Variants in SAMTOR observed in about 807,000 individuals in gnomAD.
SAMTOR encodes S-adenosylmethionine sensor upstream of mTORC1, also known as UPF0532 protein C7orf60.
chr7:112,882,817 G>A, the SAMTOR span, among the ~76,000 whole-genome samples: 1 of 146,720 alleles, frequency 6.8e-6, no homozygotes, highest in Non-Finnish European at 1.5e-5. Context: ...TCCTTTACTA[G>A]TGTAACATCT....
chr7:112,879,846 TGTTA>T, the SAMTOR span, among the ~76,000 whole-genome samples: 1 of 152,214 alleles, frequency 6.6e-6, no homozygotes, highest in Non-Finnish European at 1.5e-5. Context: ...AATAGTCATT[TGTTA>T]GTTAAAACTA....
At chr7:112,925,790 G>A in the SAMTOR span, among the ~76,000 whole-genome samples, 1 of 42,606 alleles carries the variant, frequency 2.3e-5, no homozygotes, top group African/African-American at 8.0e-5. Flanking sequence ...GCCAAGCTCT[G>A]TCTCAAAAAA....
the SAMTOR span, among the ~76,000 whole-genome samples, chr7:112,862,201 G>A: frequency 2.0e-5 from 3 of 152,314 alleles, no homozygotes; most frequent in South Asian, 6.2e-4. Context: ...GTTGTGGTAA[G>A]CTAGGATCAC....
the SAMTOR span, among the ~76,000 whole-genome samples, chr7:112,852,606 G>A: frequency 6.6e-6 from 1 of 151,800 alleles, no homozygotes; most frequent in Non-Finnish European, 1.5e-5. Flanking sequence ...TAATAAAAAA[G>A]TAAAAAATAA....
the SAMTOR span, among the ~76,000 whole-genome samples, chr7:112,919,125 C>A: frequency 6.6e-6 from 1 of 152,130 alleles, no homozygotes; most frequent in African/African-American, 2.4e-5. Context: ...AACTCTCCAC[C>A]CCAAATCAAC....
At chr7:112,927,279 TA>T in the SAMTOR span, among the ~76,000 whole-genome samples, 2 of 152,064 alleles carry the variant, frequency 1.3e-5, no homozygotes. Flanking sequence ...TTTTATCACT[TA>T]GTTATTAGGT....
the SAMTOR span, among the ~76,000 whole-genome samples, chr7:112,916,900 CG>C: frequency 1.3e-5 from 2 of 152,208 alleles, no homozygotes; most frequent in Non-Finnish European, 2.9e-5. Flanking sequence ...GAGGGGCGCC[CG>C]CCATTGCCCA....
the SAMTOR span, among the ~76,000 whole-genome samples, chr7:112,898,515 G>A: frequency 6.6e-6 from 1 of 152,238 alleles, no homozygotes; most frequent in Admixed American, 6.5e-5. Context: ...ATTCCAGGCT[G>A]TTGTTCCCAC....
the SAMTOR span, among the ~76,000 whole-genome samples, chr7:112,931,563 C>CCG: frequency 1.3e-5 from 2 of 152,184 alleles, no homozygotes; most frequent in Non-Finnish European, 2.9e-5. Flanking sequence ...TCTATGACCA[C>CCG]ACAGAGCACT....
the SAMTOR span, among the ~76,000 whole-genome samples, chr7:112,889,794 G>C: frequency 3.9e-5 from 6 of 152,080 alleles, no homozygotes; most frequent in African/African-American, 1.4e-4. Flanking sequence ...TCTTTGCCTG[G>C]AGCTGCTCTC....
At chr7:112,894,335 A>G in the SAMTOR span, among the ~76,000 whole-genome samples, 4 of 152,160 alleles carry the variant, frequency 2.6e-5, no homozygotes, top group East Asian at 7.7e-4. Context: ...TGGTGCCCCT[A>G]AACAATCTTA....
At chr7:112,919,098 C>T in the SAMTOR span, among the ~76,000 whole-genome samples, 1 of 152,100 alleles carries the variant, frequency 6.6e-6, no homozygotes, top group Non-Finnish European at 1.5e-5. Flanking sequence ...CCAAGTGGAC[C>T]TAATAGACAT....
the SAMTOR span, among the ~76,000 whole-genome samples, chr7:112,930,703 A>G: frequency 6.6e-6 from 1 of 152,202 alleles, no homozygotes; most frequent in Non-Finnish European, 1.5e-5. Context: ...GTATTTTACA[A>G]GCTTAGTGTG....
chr7:112,885,582 C>T, the SAMTOR span, among the ~76,000 whole-genome samples: 1 of 152,170 alleles, frequency 6.6e-6, no homozygotes, highest in Non-Finnish European at 1.5e-5. Flanking sequence ...AGTTCCCCAT[C>T]TCCATCTGAG....
the SAMTOR span, among the ~76,000 whole-genome samples, chr7:112,886,371 C>T: frequency 6.6e-6 from 1 of 152,146 alleles, no homozygotes; most frequent in Admixed American, 6.5e-5. Flanking sequence ...TTAGTATTAT[C>T]TTTCTGGAAA....
At chr7:112,926,908 A>G in the SAMTOR span, among the ~76,000 whole-genome samples, 1 of 152,136 alleles carries the variant, frequency 6.6e-6, no homozygotes, top group East Asian at 1.9e-4. Context: ...ACTACTGTGT[A>G]TACATTTTGT....
At chr7:112,896,857 A>C in the SAMTOR span, among the ~76,000 whole-genome samples, 6 of 152,330 alleles carry the variant, frequency 3.9e-5, no homozygotes, top group Non-Finnish European at 7.4e-5. Flanking sequence ...ATAAACCAGG[A>C]AAGTAAAGTA....
At chr7:112,897,787 A>T in the SAMTOR span, among the ~76,000 whole-genome samples, 5 of 152,316 alleles carry the variant, frequency 3.3e-5, no homozygotes, top group East Asian at 7.7e-4. Flanking sequence ...ATCTTCCAGC[A>T]ATCACCCCCT....
chr7:112,906,064 T>C, the SAMTOR span, among the ~76,000 whole-genome samples: 1 of 152,182 alleles, frequency 6.6e-6, no homozygotes, highest in Non-Finnish European at 1.5e-5. Context: ...ATCATCCATA[T>C]ATATATGTAC....
Sources: gnomAD v4.1 joint callset for allele counts (sites outside exome capture counted in the v4.1 genomes callset) on GRCh38, gnomAD v4.1.1 for gene constraint, MANE v1.5 for transcripts, NCBI Gene and HGNC (gene_info 2026-07-23, HGNC 2026-07-21) for gene names.